Variants in COQ8A observed in about 807,000 individuals in gnomAD.
COQ8A encodes atypical kinase COQ8A, mitochondrial.
In COQ8A, 51 loss-of-function variants were observed where a neutral mutation model predicts 65.0. The ratio of observed to expected loss-of-function variants is 0.78; its 90% confidence interval spans 0.63 to 0.99. COQ8A has a LOEUF of 0.99. Among genes scored for constraint, COQ8A ranks in the 50% least tolerant of loss-of-function variants. COQ8A has a pLI of 0.00. For missense variants in COQ8A, 940 were observed against 875.0 expected (o/e 1.07, Z -0.94); for synonymous variants, 371 against 353.2 (o/e 1.05, Z -0.57).
At chr1:226,941,116 G>A (rs544437572) in intron 1 of COQ8A, among the ~76,000 whole-genome samples, 1 of 152,220 alleles carries the variant, frequency 6.6e-6, no homozygotes, top group Admixed American at 6.5e-5. Context: ...GGGCGATGGG[G>A]AGTGCTGCAG....
rs949033760 is a variant in COQ8A, at chr1:226,982,929, G to C, written c.975G>C (p.Arg325=). 6.2e-7 allele frequency: 1 copy of C among 1,612,134 alleles called. No individual in the cohort carries two copies. Among genetic ancestry groups the C allele is most frequent in the Non-Finnish European group, 8.5e-7 (1 of 1,179,558 alleles). The part of the protein sequence containing the change: ...TLNNDLGPNW[R]DKLEYFEERP... The stretch of plus-strand genomic sequence containing the variant: ...ACAACGACCTGGGCCCCAACTGGCG[G>C]GACAAGTTGGAATACTTCGAGGAGC... The change falls in exon 8 of 15, where the codon CGG becomes CGC. Residue 325 remains arginine (R), a synonymous_variant. Transcript: ENST00000366777.
chr1:226,976,356 C>A (rs1572063964), intron 4 of COQ8A, among the ~76,000 whole-genome samples: 1 of 148,900 alleles, frequency 6.7e-6, no homozygotes, highest in East Asian at 2.1e-4. Flanking sequence ...GGCTGTGGGA[C>A]TGCGATGTTG....
chr1:226,949,426 C>T lies in COQ8A; in HGVS notation c.-10+9027C>T, dbSNP rs1657244237. Among the ~76,000 whole-genome samples the T allele has an allele frequency of 6.6e-6, 1 of 152,074 alleles. No homozygotes were observed. The highest frequency in any genetic ancestry group is 2.4e-5 in the African/African-American group (1 of 41,404). ...GGAGTTAGAGGGGTTTTCTTCCCAA[C>T]TGCCTCTCCCTGAATGTACCTGGAC... On this transcript the variant is annotated intron_variant, in intron 1 of 14. Transcript: ENST00000366777. The surrounding 1 kb of genome is among the most constrained non-coding windows in gnomAD (Gnocchi z 4.0).
Position 226,984,925 on chromosome 1 carries a change from C to T in COQ8A, c.1556C>T (p.Thr519Ile). 1 of 1,614,226 alleles carries T rather than the reference C, an allele frequency of 6.2e-7. No individual in the cohort carries two copies. Among genetic ancestry groups the T allele is most frequent in the Non-Finnish European group, 8.5e-7 (1 of 1,180,044 alleles). The change falls in exon 13 of 15, where the codon ACC becomes ATC. Residue 519 changes from threonine to isoleucine, a missense_variant. Thr to Ile is a moderately conservative substitution (Grantham distance 89). Coordinates refer to ENST00000366777, the MANE Select transcript of COQ8A (RefSeq NM_020247.5). ...GATREYDRSF[T>I]DLYIQIIRAA... ...ACGCGGGAATATGACAGATCCTTCACCGACCTCTACATTCAGGTAACTGGA... is the reference window on the plus strand; with the variant it reads ...ACGCGGGAATATGACAGATCCTTCATCGACCTCTACATTCAGGTAACTGGA...
intron 1 of COQ8A, among the ~76,000 whole-genome samples, chr1:226,957,774 G>T (rs76300244): frequency 6.6e-6 from 1 of 152,180 alleles, no homozygotes; most frequent in Admixed American, 6.5e-5. Flanking sequence ...TAGACAGCCC[G>T]TGGGGGTGTC....
intron 1 of COQ8A, among the ~76,000 whole-genome samples, chr1:226,944,611 C>G (rs904329699): frequency 6.8e-6 from 1 of 147,976 alleles, no homozygotes; most frequent in Admixed American, 6.8e-5. Flanking sequence ...GGGGTCGAGG[C>G]CTTCTGTTTA....
At chr1:226,961,267 G>A (rs1658237577) in intron 1 of COQ8A, 110 bp from the exon 2 acceptor site, 3 of 1,242,224 alleles carry the variant, frequency 2.4e-6, no homozygotes, top group African/African-American at 1.5e-5. Flanking sequence ...GAGATCAGTG[G>A]AAAAACCAGC....
At chr1:226,944,211 C>A (rs1284034732) in intron 1 of COQ8A, among the ~76,000 whole-genome samples, 1 of 151,870 alleles carries the variant, frequency 6.6e-6, no homozygotes, top group Non-Finnish European at 1.5e-5. Flanking sequence ...GGCTTGAGCC[C>A]TCAGGTGTCA....
At position 226,982,104 on chromosome 1, in the gene COQ8A, G is replaced by GT; in HGVS notation, c.809dup (p.Arg271AlafsTer16). 6.2e-7 allele frequency: 1 copy of GT among 1,610,474 alleles called. No homozygotes were observed. Among genetic ancestry groups the GT allele is most frequent in the Non-Finnish European group, 8.5e-7 (1 of 1,179,078 alleles). ...GCGGATCGTGCGCACGCTCTGCAAG[G>GT]TGCGTGGTGCGGCACTCAAGCTGGG... On this transcript the variant is annotated frameshift_variant, in exon 6 of 15. Transcript: ENST00000366777. LOFTEE classifies it high-confidence loss of function.
At chr1:226,978,344 ACCCT>A (rs550763479) in intron 5 of COQ8A, among the ~76,000 whole-genome samples, 1,219 of 47,696 alleles carry the variant, frequency 0.026, 20 homozygotes, top group South Asian at 0.044. Context: ...TCCTCCACCC[ACCCT>A]CCACCCACCC....
intron 4 of COQ8A, among the ~76,000 whole-genome samples, chr1:226,976,715 TTGAC>T (rs1304313373): frequency 2.0e-5 from 3 of 152,092 alleles, no homozygotes; most frequent in African/African-American, 7.2e-5. Flanking sequence ...GGATCATTCA[TTGAC>T]TGATTTTTGG....
rs75332836 is a variant in COQ8A at position 226,977,949 on chromosome 1, C to T, written c.730+426C>T. Among the ~76,000 whole-genome samples the T allele has an allele frequency of 2.4e-3, 361 of 150,052 alleles. 8 individuals carry two copies. In the East Asian group the frequency reaches 0.045, roughly 19 times the overall value. On this transcript the variant is annotated intron_variant, in intron 5 of 14. Coordinates refer to ENST00000366777, the MANE Select transcript of COQ8A (RefSeq NM_020247.5). ...ACCCCTTGCCCACCCACCAAACACCCGCACCTTACATACCCCTTGCACACC... is the reference window on the plus strand; with the variant it reads ...ACCCCTTGCCCACCCACCAAACACCTGCACCTTACATACCCCTTGCACACC...
At position 226,975,337 on chromosome 1, in the gene COQ8A, C is replaced by T. The variant is rs186067705; in HGVS notation, c.656-2112C>T. 8.5e-4 allele frequency among the ~76,000 whole-genome samples: 129 copies of T among 152,300 alleles called. 3 individuals are homozygous for T. The East Asian group carries it at 0.023, about 27-fold the overall frequency. ...CACTCCTGAGGGCCAGGAGGCTCAGCTTATCCTGCCCCATGCTGCCCAGTA... is the reference window on the plus strand; with the variant it reads ...CACTCCTGAGGGCCAGGAGGCTCAGTTTATCCTGCCCCATGCTGCCCAGTA... On this transcript the variant is annotated intron_variant, in intron 4 of 14. Transcript: ENST00000366777.
intron 4 of COQ8A, among the ~76,000 whole-genome samples, chr1:226,970,536 G>A (rs970534750): frequency 2.0e-5 from 3 of 152,188 alleles, no homozygotes; most frequent in Admixed American, 6.5e-5. Context: ...TATGCAGTCC[G>A]TTGACTGAAA....
intron 3 of COQ8A, 24 bp from the exon 4 acceptor site, chr1:226,965,647 G>GCCAAGGGGA: frequency 6.2e-7 from 1 of 1,613,728 alleles, no homozygotes; most frequent in African/African-American, 1.3e-5. Flanking sequence ...TGATTCCACA[G>GCCAAGGGGA]GTCTCTTTCT....
Position 226,965,689 on chromosome 1 carries a change from G to A in COQ8A, c.607G>A (p.Glu203Lys). The A allele has an allele frequency of 3.1e-6, 5 of 1,614,054 alleles. No homozygotes were observed. Among genetic ancestry groups the A allele is most frequent in the Non-Finnish European group, 4.2e-6 (5 of 1,180,036 alleles). The change falls in exon 4 of 15, where the codon GAG becomes AAG. Residue 203 changes from glutamate to lysine, a missense_variant. Glu to Lys is a moderately conservative substitution (Grantham distance 56). Transcript: ENST00000366777. ...CCTCCAGCTCAGCGAGCATGCCCGG[G>A]AGCGGAAGGTGCCTGTGACGAGGAT... ...HKQTLSEHARERKVPVTRIGR... is the reference protein window; with the variant it reads ...HKQTLSEHARKRKVPVTRIGR...
At chr1:226,951,591 G>T (rs1657391190) in intron 1 of COQ8A, among the ~76,000 whole-genome samples, 1 of 152,086 alleles carries the variant, frequency 6.6e-6, no homozygotes, top group Admixed American at 6.5e-5. Flanking sequence ...TAATGGGGGG[G>T]TCCTTGCCCC....
chr1:226,950,359 G>C (rs1657302210), intron 1 of COQ8A, among the ~76,000 whole-genome samples: 1 of 152,220 alleles, frequency 6.6e-6, no homozygotes, highest in Non-Finnish European at 1.5e-5. Flanking sequence ...TCCAATGGAT[G>C]GAGAATGGAG....
intron 4 of COQ8A, among the ~76,000 whole-genome samples, chr1:226,971,524 C>G (rs541470940): frequency 6.6e-6 from 1 of 151,326 alleles, no homozygotes; most frequent in Non-Finnish European, 1.5e-5. Context: ...TGCACTCCAG[C>G]CTGGATGACA....
Sources: allele counts gnomAD v4.1 joint callset (sites outside exome capture counted in the v4.1 genomes callset), GRCh38; gene constraint gnomAD v4.1.1; non-coding constraint Gnocchi (gnomAD v3.1); transcripts MANE v1.5; gene names NCBI Gene and HGNC (gene_info 2026-07-23, HGNC 2026-07-21).